ZNF10: variants seen among roughly 807,000 people sequenced by gnomAD.
ZNF10 encodes the protein zinc finger protein 10 (KOX 1).
Under a neutral mutation model 12.2 loss-of-function variants are expected in ZNF10, and 8 were observed. That is an observed-to-expected ratio of 0.66 (90% confidence interval 0.39 to 1.18). ZNF10 has a LOEUF of 1.18. Ranked by LOEUF, ZNF10 falls within the 50% of genes most tolerant of loss-of-function variation. The probability of loss-of-function intolerance (pLI) is 0.01; values close to 1 mark genes in which losing one functional copy is unlikely to be tolerated. For synonymous variants in ZNF10, 229 were observed against 228.2 expected (o/e 1.00, Z -0.03); for missense variants, 603 against 678.9 (o/e 0.89, Z 1.24).
At position 133,130,742 on chromosome 12, in the gene ZNF10, T is replaced by C. The variant is rs538992930; in HGVS notation, c.-72T>C. Reference sequence around the variant, plus strand: ...CGCTTTCTCCCATCGAACCTTCTAGTTGCTTATTGCAGGTATATACGAAAG... The same window carrying C: ...CGCTTTCTCCCATCGAACCTTCTAGCTGCTTATTGCAGGTATATACGAAAG... On this transcript the variant is annotated 5_prime_UTR_variant, in exon 1 of 5. Coordinates refer to ENST00000248211, the MANE Select transcript of ZNF10 (RefSeq NM_015394.5). The C allele has an allele frequency of 6.6e-6, 1 of 152,608 alleles. No individual in the cohort carries two copies. The highest frequency in any genetic ancestry group is 1.5e-5 in the Non-Finnish European group (1 of 68,122). The allele number at this position is 152,608 out of a possible 1,614,324, so 9.5% of individuals were successfully genotyped here.
At position 133,155,669 on chromosome 12, in the gene ZNF10, A is replaced by G. The variant is rs1014417829; in HGVS notation, c.423A>G (p.Glu141=). Residue 141 remains glutamate, a synonymous_variant, in exon 5 of 5, where the codon GAA becomes GAG. Transcript: ENST00000248211. ...GAGACCAGTTAGACAAGTATCAGGA[A>G]AACCCAGAGAGACATTTGAGGCAAG... ...KCRDQLDKYQ[E]NPERHLRQVA... is the part of the protein sequence containing the mutation. 6 of 1,613,482 alleles carry G rather than the reference A, an allele frequency of 3.7e-6. No individual in the cohort carries two copies. In the African/African-American group the frequency reaches 8.0e-5, roughly 22 times the overall value.
intron 1 of ZNF10, among the ~76,000 whole-genome samples, chr12:133,131,677 C>T (rs1955877893): frequency 6.6e-6 from 1 of 152,180 alleles, no homozygotes; most frequent in African/African-American, 2.4e-5. Flanking sequence ...TAAAATTGTC[C>T]CCCATCTTCC....
chr12:133,132,997 G>C (rs118176574), intron 1 of ZNF10, among the ~76,000 whole-genome samples: 1 of 151,718 alleles, frequency 6.6e-6, no homozygotes, highest in African/African-American at 2.4e-5. Context: ...AATTGACATG[G>C]GTACGTATTC....
chr12:133,146,143 G>C (rs1199496522), intron 2 of ZNF10, among the ~76,000 whole-genome samples: 1 of 152,210 alleles, frequency 6.6e-6, no homozygotes, highest in Non-Finnish European at 1.5e-5. Flanking sequence ...GGTGGGAGCA[G>C]AGTGTCATCA....
intron 1 of ZNF10, among the ~76,000 whole-genome samples, chr12:133,136,042 T>C (rs545586735): frequency 6.6e-6 from 1 of 152,350 alleles, no homozygotes; most frequent in Admixed American, 6.5e-5. Context: ...ATAGCCTTGC[T>C]TTCTTTTTTG....
At chr12:133,151,007 C>A in intron 2 of ZNF10, 21 bp from the exon 3 acceptor site, 1 of 1,608,550 alleles carries the variant, frequency 6.2e-7, no homozygotes, top group South Asian at 1.1e-5. Context: ...TGGTGCAATG[C>A]AAATGTGTTT....
Position 133,151,063 on chromosome 12 carries a change from C to T in ZNF10, c.69C>T (p.Phe23=). The change falls in exon 3 of 5, where the codon TTC becomes TTT. Residue 23 remains phenylalanine, a synonymous_variant. Coordinates refer to ENST00000248211, the MANE Select transcript of ZNF10 (RefSeq NM_015394.5). Reference sequence around the variant, plus strand: ...CCTTCAAGGATGTATTTGTGGACTTCACCAGGGAGGAGTGGAAGCTGCTGG... The same window carrying T: ...CCTTCAAGGATGTATTTGTGGACTTTACCAGGGAGGAGTGGAAGCTGCTGG... ...LVTFKDVFVD[F]TREEWKLLDT... The T allele has an allele frequency of 1.2e-6, 2 of 1,613,552 alleles. No individual in the cohort carries two copies. Among genetic ancestry groups the T allele is most frequent in the Non-Finnish European group, 1.7e-6 (2 of 1,179,588 alleles).
intron 2 of ZNF10, among the ~76,000 whole-genome samples, chr12:133,147,035 A>G (rs11614973): frequency 0.19 from 28,278 of 152,114 alleles, 3,355 homozygotes; most frequent in Non-Finnish European, 0.26. Flanking sequence ...AGCTCCTTTC[A>G]TATAGCATAA....
At chr12:133,150,414 T>C (rs12316313) in intron 2 of ZNF10, among the ~76,000 whole-genome samples, 11,015 of 152,248 alleles carry the variant, frequency 0.072, 659 homozygotes, top group African/African-American at 0.16. Flanking sequence ...ACCTTTATGG[T>C]CTTTGATGAG....
chr12:133,130,678 TTC>T lies in ZNF10; in HGVS notation c.-132_-131del, dbSNP rs1209955460. 6.6e-6 allele frequency: 1 copy of T among 152,452 alleles called. No individual in the cohort carries two copies. Among genetic ancestry groups the T allele is most frequent in the Non-Finnish European group, 1.5e-5 (1 of 68,092 alleles). 9.4% of individuals were successfully genotyped at this position (152,452 alleles called of 1,614,324 possible). ...CGCTCCGCTGGTGAATGGAGTCGCGTTCTCTGTTTTGCTGTTGCTGCTGCCTT... is the reference window on the plus strand; with the variant it reads ...CGCTCCGCTGGTGAATGGAGTCGCGTTCTGTTTTGCTGTTGCTGCTGCCTT... On this transcript the variant is annotated 5_prime_UTR_variant, in exon 1 of 5. The change creates a premature stop within an existing upstream ORF in the 5' untranslated region. Coordinates refer to ENST00000248211, the MANE Select transcript of ZNF10 (RefSeq NM_015394.5).
At chr12:133,133,322 T>TC (rs2137636489) in intron 1 of ZNF10, among the ~76,000 whole-genome samples, 1 of 152,326 alleles carries the variant, frequency 6.6e-6, no homozygotes, top group Non-Finnish European at 1.5e-5. Flanking sequence ...GAACATGTAC[T>TC]CCATGTCCCC....
intron 1 of ZNF10, among the ~76,000 whole-genome samples, chr12:133,135,293 A>T (rs1310152729): frequency 1.3e-5 from 2 of 152,162 alleles, no homozygotes; most frequent in Non-Finnish European, 2.9e-5. Flanking sequence ...CAGTGACCAA[A>T]TAGTAAGTTG....
intron 4 of ZNF10, among the ~76,000 whole-genome samples, chr12:133,154,958 A>G (rs1956030363): frequency 6.6e-6 from 1 of 152,074 alleles, no homozygotes; most frequent in African/African-American, 2.4e-5. Flanking sequence ...GGTGCCTGTA[A>G]TCCCAGCTAC....
intron 2 of ZNF10, among the ~76,000 whole-genome samples, chr12:133,149,728 T>A (rs889316137): frequency 6.6e-6 from 1 of 152,094 alleles, no homozygotes; most frequent in African/African-American, 2.4e-5. Flanking sequence ...TTTTGTTTAA[T>A]GTTATTAATT....
chr12:133,144,275 G>A (rs1166077246), intron 1 of ZNF10, 159 bp from the exon 2 acceptor site: 8 of 414,352 alleles, frequency 1.9e-5, no homozygotes, highest in Non-Finnish European at 3.4e-5. Context: ...ATCTTGGGGA[G>A]CTTCGGGCAC....
intron 4 of ZNF10, among the ~76,000 whole-genome samples, chr12:133,155,288 C>T (rs1311954858): frequency 6.6e-6 from 1 of 152,138 alleles, no homozygotes; most frequent in East Asian, 1.9e-4. Context: ...TGTCCTGTGG[C>T]TTCTCCTTAC....
chr12:133,153,713 A>C (rs1956021857), intron 4 of ZNF10, among the ~76,000 whole-genome samples: 1 of 152,148 alleles, frequency 6.6e-6, no homozygotes, highest in Non-Finnish European at 1.5e-5. Flanking sequence ...CAGGTGTATT[A>C]GTTTCCTGGG....
chr12:133,150,568 G>GTT (rs756080370), intron 2 of ZNF10, among the ~76,000 whole-genome samples: 4 of 133,788 alleles, frequency 3.0e-5, no homozygotes, highest in Non-Finnish European at 4.9e-5. Context: ...CAACTCTTCT[G>GTT]TTTTTTTTTT....
At chr12:133,150,384 CATT>C (rs1955999964) in intron 2 of ZNF10, among the ~76,000 whole-genome samples, 1 of 152,154 alleles carries the variant, frequency 6.6e-6, no homozygotes, top group Non-Finnish European at 1.5e-5. Context: ...AACAAACAAA[CATT>C]ATTCCACTGT....
Sources: gnomAD v4.1 joint callset for allele counts (sites outside exome capture counted in the v4.1 genomes callset) on GRCh38, gnomAD v4.1.1 for gene constraint, MANE v1.5 for transcripts, NCBI Gene and HGNC (gene_info 2026-07-23, HGNC 2026-07-21) for gene names.